Variants in CBLN4 observed in about 807,000 individuals in gnomAD.
CBLN4 encodes cerebellin-4.
In CBLN4, 7 loss-of-function variants were observed where a neutral mutation model predicts 14.9. That is an observed-to-expected ratio of 0.47 (90% CI 0.27 to 0.88). The LOEUF (loss-of-function observed/expected upper bound fraction) is 0.88, where lower values mean the gene tolerates loss of function less well. Among genes scored for constraint, CBLN4 ranks in the 40% least tolerant of loss-of-function variants. CBLN4 has a pLI of 0.14. For synonymous variants in CBLN4, 131 were observed against 116.5 expected (o/e 1.12, Z -0.80); for missense variants, 188 against 256.8 (o/e 0.73, Z 1.83).
chr20:55,999,989 T>C (rs902797093), intron 2 of CBLN4, among the ~76,000 whole-genome samples: 1 of 152,260 alleles, frequency 6.6e-6, no homozygotes, highest in African/African-American at 2.4e-5. Flanking sequence ...CATATTGACA[T>C]AATGTATAAC....
chr20:56,001,256 A>T (rs1986364551), intron 1 of CBLN4, among the ~76,000 whole-genome samples: 3 of 152,242 alleles, frequency 2.0e-5, no homozygotes, highest in Admixed American at 2.0e-4. Flanking sequence ...TGAGAGTTGG[A>T]TAAAAGGCAC....
rs961415567 is a variant in CBLN4, at chr20:56,005,387, T to A, written c.-1216A>T. The A allele has an allele frequency of 5.3e-5, 8 of 152,226 alleles. No individual in the cohort carries two copies. The highest frequency in any genetic ancestry group is 3.9e-4 in the Admixed American group (6 of 15,290). 9.4% of individuals were successfully genotyped at this position (152,226 alleles called of 1,614,324 possible). A position where few individuals can be genotyped will look rare whatever the true frequency, so the allele number is the denominator to read the frequency against. Reference sequence around the variant, plus strand: ...TGCCAGGCCGGGTCGCGAAAAAGGATAAGCCGCCGCGGACCCGCGCTGCGC... The same window carrying A: ...TGCCAGGCCGGGTCGCGAAAAAGGAAAAGCCGCCGCGGACCCGCGCTGCGC... On this transcript the variant is annotated 5_prime_UTR_variant, in exon 1 of 3. Transcript: ENST00000064571.
At position 55,997,744 on chromosome 20, in the gene CBLN4, T is replaced by C. The variant is rs1340907019; in HGVS notation, c.*813A>G. On this transcript the variant is annotated 3_prime_UTR_variant, in exon 3 of 3. Transcript: ENST00000064571. ...TTTTTAATAAAGTGGTTATTATCAA[T>C]CATTTTAATTAAAGTTGAGCAATAA... The C allele has an allele frequency of 6.6e-6, 1 of 152,434 alleles. No individual in the cohort carries two copies. The highest frequency in any genetic ancestry group is 1.9e-4 in the East Asian group (1 of 5,186). The allele number at this position is 152,434 out of a possible 1,614,324, so 9.4% of individuals were successfully genotyped here.
intron 1 of CBLN4, among the ~76,000 whole-genome samples, chr20:56,002,909 G>A (rs1157837388): frequency 1.3e-5 from 2 of 152,206 alleles, no homozygotes; most frequent in Non-Finnish European, 2.9e-5. Flanking sequence ...TGTGAACTGT[G>A]AATTTGGAAT....
chr20:55,998,807 T>C, intron 2 of CBLN4, 53 bp from the exon 3 acceptor site: 2 of 1,306,534 alleles, frequency 1.5e-6, no homozygotes, highest in South Asian at 2.4e-5. Context: ...AGTCAAAACA[T>C]CTACTGGGGA....
At chr20:55,999,197 C>A (rs564676288) in intron 2 of CBLN4, among the ~76,000 whole-genome samples, 1 of 152,162 alleles carries the variant, frequency 6.6e-6, no homozygotes, top group African/African-American at 2.4e-5. Flanking sequence ...AACATCCTTG[C>A]GAATTTTTGT....
chr20:56,004,797 G>GAGGT lies in CBLN4; in HGVS notation c.-630_-627dup, dbSNP rs1404521741. 1 of 152,428 alleles carries GAGGT rather than the reference G, an allele frequency of 6.6e-6. No individual in the cohort carries two copies. Among genetic ancestry groups the GAGGT allele is most frequent in the Non-Finnish European group, 1.5e-5 (1 of 68,186 alleles). 9.4% of individuals were successfully genotyped at this position (152,428 alleles called of 1,614,324 possible). A position where few individuals can be genotyped will look rare whatever the true frequency, so the allele number is the denominator to read the frequency against. ...AATCCCCCAAACCTGGTGTCACCCA[G>GAGGT]AGGTAGGGAGGGAGGCAGCGGCTAG... On this transcript the variant is annotated 5_prime_UTR_variant, in exon 1 of 3. Transcript: ENST00000064571. This position sits in a 1 kb window ranked among gnomAD's most constrained non-coding sequence, Gnocchi z 6.1.
At chr20:56,000,561 G>A (rs1298826035) in intron 2 of CBLN4, among the ~76,000 whole-genome samples, 170 bp downstream of exon 2, 1 of 152,046 alleles carries the variant, frequency 6.6e-6, no homozygotes, top group Non-Finnish European at 1.5e-5. Context: ...ACGTCTTAAT[G>A]GATGTTAAAG....
chr20:56,000,486 A>T (rs907000504), intron 2 of CBLN4, among the ~76,000 whole-genome samples: 7 of 152,346 alleles, frequency 4.6e-5, no homozygotes, highest in South Asian at 2.1e-4. Flanking sequence ...ATGGATTTTT[A>T]AAAAATGTTT....
intron 1 of CBLN4, among the ~76,000 whole-genome samples, chr20:56,003,467 C>T (rs1986408653): frequency 1.3e-5 from 2 of 152,238 alleles, no homozygotes; most frequent in African/African-American, 4.8e-5. Flanking sequence ...TATCCTGTTC[C>T]GCAAAGGTAC....
In CBLN4 at chr20:55,998,369, C is replaced by T; in HGVS notation, c.*188G>A. ...TGCTTAGAGTCCCAATCCAAATATA[C>T]TGAAACAGACACACACAAATAATCT... On this transcript the variant is annotated 3_prime_UTR_variant, in exon 3 of 3. Coordinates refer to ENST00000064571, the MANE Select transcript of CBLN4 (RefSeq NM_080617.6). 1 of 632,056 alleles carries T rather than the reference C, an allele frequency of 1.6e-6. No individual in the cohort carries two copies. Among genetic ancestry groups the T allele is most frequent in the East Asian group, 2.8e-5 (1 of 36,226 alleles). The allele number at this position is 632,056 out of a possible 1,614,324, so 39.2% of individuals were successfully genotyped here.
chr20:56,003,676 C>A (rs990486936), intron 1 of CBLN4, among the ~76,000 whole-genome samples: 6 of 152,146 alleles, frequency 3.9e-5, no homozygotes, highest in Non-Finnish European at 8.8e-5. Context: ...CTTTTAGGGG[C>A]CCGGAAGAAA....
intron 2 of CBLN4, among the ~76,000 whole-genome samples, chr20:55,999,150 A>G (rs943245253): frequency 6.6e-6 from 1 of 152,216 alleles, no homozygotes; most frequent in Non-Finnish European, 1.5e-5. Context: ...CCCTCTGCCC[A>G]CTGACATAAG....
chr20:56,000,410 T>C (rs1005001774), intron 2 of CBLN4, among the ~76,000 whole-genome samples: 5 of 152,224 alleles, frequency 3.3e-5, no homozygotes. Flanking sequence ...AAGTAATTCT[T>C]GTACATGCAT....
At chr20:56,001,769 T>G (rs978506032) in intron 1 of CBLN4, among the ~76,000 whole-genome samples, 7 of 152,190 alleles carry the variant, frequency 4.6e-5, no homozygotes. Context: ...TTCAGCCTAG[T>G]TCTATTGGTT....
rs12480566 is a variant in CBLN4, at chr20:56,000,229, C to T, written c.408+502G>A. Among the ~76,000 whole-genome samples, 1,345 of 152,334 alleles carry T rather than the reference C, an allele frequency of 8.8e-3. 40 individuals are homozygous for T. The highest frequency in any genetic ancestry group is 0.053 in the Admixed American group (811 of 15,302). Reference sequence around the variant, plus strand: ...GTAACTGAGGATAAACACAAGCATACGCATAGAACACCGTTTTTTAAAAAT... The same window carrying T: ...GTAACTGAGGATAAACACAAGCATATGCATAGAACACCGTTTTTTAAAAAT... On this transcript the variant is annotated intron_variant, in intron 2 of 2. Transcript: ENST00000064571.
Position 55,998,715 on chromosome 20 carries a change from A to G in CBLN4, c.448T>C (p.Phe150Leu). The change falls in exon 3 of 3, where the codon TTT (phenylalanine) becomes CTT (leucine). Residue 150 changes from phenylalanine (F) to leucine (L), a missense_variant. Physicochemically the swap from Phe to Leu is conservative, Grantham distance 22. Transcript: ENST00000064571. ...CGAGTAACATCTTTGTCCCCCGCAA[A>G]GGCAGATATTACTGGTTTTCCATTT... Reference protein sequence around the residue: ...MLNGKPVISAFAGDKDVTREA... With the variant: ...MLNGKPVISALAGDKDVTREA... 1 of 1,614,130 alleles carries G rather than the reference A, an allele frequency of 6.2e-7. No individual in the cohort carries two copies. Among genetic ancestry groups the G allele is most frequent in the Non-Finnish European group, 8.5e-7 (1 of 1,179,956 alleles).
Position 56,004,465 on chromosome 20 carries a change from C to T in CBLN4, c.-294G>A. ...CCTGCCTGGGGCCCCTGCACCCACT[C>T]TGGTTCCTAGACATCTGAAAGTCAT... On this transcript the variant is annotated 5_prime_UTR_variant, in exon 1 of 3. Coordinates refer to ENST00000064571, the MANE Select transcript of CBLN4 (RefSeq NM_080617.6). The surrounding 1 kb of genome is among the most constrained non-coding windows in gnomAD (Gnocchi z 6.1). The T allele has an allele frequency of 2.7e-6, 1 of 365,544 alleles. No homozygotes were observed. The allele number at this position is 365,544 out of a possible 1,614,324, so 22.6% of individuals were successfully genotyped here. A position where few individuals can be genotyped will look rare whatever the true frequency, so the allele number is the denominator to read the frequency against.
At chr20:56,000,569 A>C (rs966636993) in intron 2 of CBLN4, among the ~76,000 whole-genome samples, 162 bp downstream of exon 2, 1 of 152,246 alleles carries the variant, frequency 6.6e-6, no homozygotes, top group South Asian at 2.1e-4. Flanking sequence ...ATGGATGTTA[A>C]AGAGAAAAAA....
Sources: allele counts gnomAD v4.1 joint callset (sites outside exome capture counted in the v4.1 genomes callset), GRCh38; gene constraint gnomAD v4.1.1; non-coding constraint Gnocchi (gnomAD v3.1); transcripts MANE v1.5; gene names NCBI Gene and HGNC (gene_info 2026-07-23, HGNC 2026-07-21).